The following GPATCH2 variants were observed in gnomAD, a reference collection of about 807,000 sequenced individuals.
GPATCH2 encodes the protein G-patch domain containing 2, also known as G patch domain-containing protein 2.
In GPATCH2, 51 loss-of-function variants were observed where a neutral mutation model predicts 58.0. The ratio of observed to expected loss-of-function variants is 0.88; its 90% CI spans 0.70 to 1.11. The LOEUF (loss-of-function observed/expected upper bound fraction) is 1.11, where lower values mean the gene tolerates loss of function less well. Ranked by LOEUF, GPATCH2 falls within the 50% of genes most tolerant of loss-of-function variation. GPATCH2 has a pLI of 0.00. For synonymous variants in GPATCH2, 222 were observed against 218.5 expected (o/e 1.02, Z -0.14); for missense variants, 625 against 652.2 (o/e 0.96, Z 0.45).
chr1:217,545,963 G>A (rs1665023726), intron 5 of GPATCH2, among the ~76,000 whole-genome samples: 1 of 152,206 alleles, frequency 6.6e-6, no homozygotes, highest in South Asian at 2.1e-4. Flanking sequence ...TGGGTAGGAT[G>A]AACTGTGGGT....
chr1:217,521,178 G>A (rs1049173601), intron 5 of GPATCH2, among the ~76,000 whole-genome samples: 1 of 152,110 alleles, frequency 6.6e-6, no homozygotes, highest in Admixed American at 6.5e-5. Flanking sequence ...CTTATGGCTT[G>A]CTTTTCATAA....
At chr1:217,629,392 C>T (rs1418664595) in intron 1 of GPATCH2, among the ~76,000 whole-genome samples, 2 of 152,040 alleles carry the variant, frequency 1.3e-5, no homozygotes, top group Non-Finnish European at 2.9e-5. Flanking sequence ...GTATGACAAG[C>T]GAGCCTTTAA....
At chr1:217,467,095 C>T (rs970711426) in intron 8 of GPATCH2, among the ~76,000 whole-genome samples, 4 of 152,128 alleles carry the variant, frequency 2.6e-5, no homozygotes, top group Admixed American at 2.0e-4. Context: ...ATCGCTTTCA[C>T]GAACCTGGGA....
chr1:217,464,600 C>A (rs142315461), intron 8 of GPATCH2, among the ~76,000 whole-genome samples: 2 of 151,902 alleles, frequency 1.3e-5, no homozygotes, highest in African/African-American at 2.4e-5. Context: ...AAAACCCACA[C>A]CAAGGAAAAA....
chr1:217,449,339 T>C lies in GPATCH2; in HGVS notation c.1278-2A>G, dbSNP rs1276271810. 3.9e-6 allele frequency: 6 copies of C among 1,550,114 alleles called. No individual in the cohort carries two copies. The highest frequency in any genetic ancestry group is 3.3e-5 in the Admixed American group (2 of 59,802). On this transcript the variant is annotated splice_acceptor_variant, in intron 8 of 9. Transcript: ENST00000366935. LOFTEE classifies it high-confidence loss of function. Reference sequence around the variant, plus strand: ...GATCCTAAATGCATGCTTGTTTGCCTACGAATAATTATCAGAAAAAACTAT... The same window carrying C: ...GATCCTAAATGCATGCTTGTTTGCCCACGAATAATTATCAGAAAAAACTAT...
intron 1 of GPATCH2, among the ~76,000 whole-genome samples, chr1:217,626,177 G>A (rs1669444278): frequency 6.6e-6 from 1 of 152,084 alleles, no homozygotes; most frequent in Non-Finnish European, 1.5e-5. Context: ...TAAGTTACCT[G>A]GTGTTAAGTA....
intron 8 of GPATCH2, among the ~76,000 whole-genome samples, chr1:217,475,672 A>G (rs1157758186): frequency 6.6e-6 from 1 of 152,214 alleles, no homozygotes; most frequent in East Asian, 1.9e-4. Context: ...AATGGCAACT[A>G]CTGACAACTG....
At chr1:217,437,982 G>C (rs971748816) in intron 9 of GPATCH2, among the ~76,000 whole-genome samples, 1 of 152,192 alleles carries the variant, frequency 6.6e-6, no homozygotes, top group Admixed American at 6.5e-5. Context: ...TCATACAGGA[G>C]AGCTCCAGCT....
chr1:217,498,190 C>T (rs114705695), intron 7 of GPATCH2, 166 bp downstream of exon 7: 11,266 of 740,194 alleles, frequency 0.015, 188 homozygotes, highest in South Asian at 0.044. Context: ...TTAAGGATCA[C>T]GCATTTATTT....
chr1:217,531,502 A>G (rs1336594432), intron 5 of GPATCH2, among the ~76,000 whole-genome samples: 5 of 152,234 alleles, frequency 3.3e-5, no homozygotes, highest in African/African-American at 1.2e-4. Flanking sequence ...TGCCATCTGC[A>G]TAATTAAAAC....
At chr1:217,620,926 C>T (rs997909820) in intron 1 of GPATCH2, among the ~76,000 whole-genome samples, 9 of 152,186 alleles carry the variant, frequency 5.9e-5, no homozygotes, top group African/African-American at 1.7e-4. Context: ...ATGAAATCTT[C>T]TATTCACCAC....
intron 6 of GPATCH2, among the ~76,000 whole-genome samples, chr1:217,503,876 CCTTA>C (rs977623806): frequency 1.3e-5 from 2 of 152,014 alleles, no homozygotes; most frequent in African/African-American, 4.8e-5. Context: ...TGCATTGAGC[CCTTA>C]CTAAGGCAAT....
chr1:217,574,914 C>T (rs1345888133), intron 5 of GPATCH2, among the ~76,000 whole-genome samples: 1 of 152,148 alleles, frequency 6.6e-6, no homozygotes, highest in Non-Finnish European at 1.5e-5. Context: ...AAAATTCAAT[C>T]TCATATATTC....
intron 5 of GPATCH2, among the ~76,000 whole-genome samples, chr1:217,567,351 A>G (rs938549081): frequency 3.3e-5 from 5 of 152,162 alleles, no homozygotes; most frequent in Admixed American, 3.3e-4. Flanking sequence ...CAGCCTAAAT[A>G]TAGCTCTTAC....
chr1:217,577,631 T>C (rs902292113), intron 5 of GPATCH2, among the ~76,000 whole-genome samples: 1 of 152,170 alleles, frequency 6.6e-6, no homozygotes, highest in Non-Finnish European at 1.5e-5. Flanking sequence ...TTTTGTTATA[T>C]AGTGAATGGA....
intron 2 of GPATCH2, among the ~76,000 whole-genome samples, chr1:217,619,263 C>G (rs1286927010): frequency 6.6e-6 from 1 of 152,094 alleles, no homozygotes; most frequent in East Asian, 1.9e-4. Context: ...AATGACAAAA[C>G]CAGGTGTTTC....
intron 8 of GPATCH2, among the ~76,000 whole-genome samples, chr1:217,455,733 G>C (rs1248604425): frequency 6.6e-6 from 1 of 152,024 alleles, no homozygotes; most frequent in Non-Finnish European, 1.5e-5. Context: ...CCTCAAGCCT[G>C]GAAACCTATG....
intron 9 of GPATCH2, among the ~76,000 whole-genome samples, chr1:217,434,362 T>G (rs966116952): frequency 2.0e-5 from 3 of 152,236 alleles, no homozygotes; most frequent in African/African-American, 7.2e-5. Flanking sequence ...ATGTTTAATA[T>G]AACAAAAAAG....
At chr1:217,494,461 A>G (rs945822120) in intron 7 of GPATCH2, among the ~76,000 whole-genome samples, 4 of 152,228 alleles carry the variant, frequency 2.6e-5, no homozygotes, top group Admixed American at 2.6e-4. Context: ...GCTCCTGGCC[A>G]GGTGCAGTGG....
Sources: allele counts gnomAD v4.1 joint callset (sites outside exome capture counted in the v4.1 genomes callset), GRCh38; gene constraint gnomAD v4.1.1; transcripts MANE v1.5; gene names NCBI Gene and HGNC (gene_info 2026-07-23, HGNC 2026-07-21).